Variants in FRMPD4 observed in about 807,000 individuals in gnomAD.
The protein encoded by FRMPD4 is FERM and PDZ domain containing 4.
Under a neutral mutation model 94.1 loss-of-function variants are expected in FRMPD4, and 22 were observed. The observed-to-expected ratio is 0.23, with a 90% CI of 0.17 to 0.33. The LOEUF (loss-of-function observed/expected upper bound fraction) is 0.33, where lower values mean the gene tolerates loss of function less well. FRMPD4 is among the 10% of genes least tolerant of loss of function. The probability of loss-of-function intolerance (pLI) is 1.00; values close to 1 mark genes in which losing one functional copy is unlikely to be tolerated. For missense variants in FRMPD4, 1,111 were observed against 1,339.9 expected, an observed-to-expected ratio of 0.83 and a Z score of 2.67; for synonymous variants, 631 against 548.6, an observed-to-expected ratio of 1.15 and a Z score of -2.10.
chrX:11,983,491 C>T (rs762290391), intron 3 of FRMPD4, among the ~76,000 whole-genome samples: 8 of 112,047 alleles, frequency 7.1e-5, no homozygotes, highest in Admixed American at 9.4e-5. Flanking sequence ...TTTTGCCCTC[C>T]GGATTTTTTA....
intron 3 of FRMPD4, among the ~76,000 whole-genome samples, chrX:11,998,349 TAGAA>T (rs1417907455): frequency 8.9e-6 from 1 of 112,014 alleles, no homozygotes; most frequent in Non-Finnish European, 1.9e-5. Context: ...ATGGTGCCCT[TAGAA>T]AGAATTGGGA....
chrX:12,657,264 C>A (rs1255147339), intron 4 of FRMPD4, among the ~76,000 whole-genome samples: 2 of 111,681 alleles, frequency 1.8e-5, no homozygotes, highest in Non-Finnish European at 3.8e-5. Flanking sequence ...TGAGGCTCAA[C>A]TGAAAAGGAA....
chrX:11,913,974 G>T (rs954817386), intron 3 of FRMPD4, among the ~76,000 whole-genome samples: 15 of 112,015 alleles, frequency 1.3e-4, no homozygotes, highest in African/African-American at 4.5e-4. Flanking sequence ...TTTAGATTTG[G>T]TAATTGTAGT....
intron 3 of FRMPD4, among the ~76,000 whole-genome samples, chrX:11,934,074 A>C (rs1347756864): frequency 8.9e-6 from 1 of 112,314 alleles, no homozygotes; most frequent in Non-Finnish European, 1.9e-5. Context: ...ATGCCATGCA[A>C]CTAGTCTACT....
At chrX:12,611,169 GA>G (rs1569363900) in intron 3 of FRMPD4, among the ~76,000 whole-genome samples, 1 of 111,879 alleles carries the variant, frequency 8.9e-6, no homozygotes, top group Non-Finnish European at 1.9e-5. Flanking sequence ...TACCTTTCCA[GA>G]AACAATGTGC....
chrX:12,158,788 T>C (rs1303638135), intron 1 of FRMPD4, among the ~76,000 whole-genome samples: 2 of 112,239 alleles, frequency 1.8e-5, no homozygotes, highest in South Asian at 3.7e-4. Flanking sequence ...ATCATTCTCA[T>C]GCCTGTTTTT....
chrX:12,233,091 C>G (rs1178476816), intron 1 of FRMPD4, among the ~76,000 whole-genome samples: 1 of 112,029 alleles, frequency 8.9e-6, no homozygotes, highest in Non-Finnish European at 1.9e-5. Context: ...GCTCTTGTTC[C>G]TTGCTCACAA....
intron 2 of FRMPD4, among the ~76,000 whole-genome samples, chrX:12,607,872 A>G (rs2059146173): frequency 8.9e-6 from 1 of 112,210 alleles, no homozygotes; most frequent in African/African-American, 3.2e-5. Context: ...CTAGATAGTG[A>G]TATATACCTA....
chrX:12,289,896 C>G (rs889829778), intron 1 of FRMPD4, among the ~76,000 whole-genome samples: 1 of 111,792 alleles, frequency 8.9e-6, no homozygotes, highest in Non-Finnish European at 1.9e-5. Context: ...ATCTGCACAC[C>G]CAGACCTTGG....
intron 2 of FRMPD4, among the ~76,000 whole-genome samples, chrX:12,542,485 T>A (rs912474896): frequency 1.8e-5 from 2 of 112,029 alleles, no homozygotes; most frequent in African/African-American, 6.5e-5. Context: ...CCATTCACAA[T>A]TGCTTCAAAG....
intron 3 of FRMPD4, among the ~76,000 whole-genome samples, chrX:11,982,305 G>A (rs1251080779): frequency 9.1e-6 from 1 of 109,546 alleles, no homozygotes; most frequent in Non-Finnish European, 1.9e-5. Context: ...GTAGGTGAAC[G>A]ATCTTTTCTT....
At chrX:12,683,780 C>A (rs1395975233) in intron 6 of FRMPD4, among the ~76,000 whole-genome samples, 193 bp downstream of exon 6, 1 of 112,206 alleles carries the variant, frequency 8.9e-6, no homozygotes, top group Non-Finnish European at 1.9e-5. Flanking sequence ...TCCTCTAGCA[C>A]GGTCAGAATA....
intron 4 of FRMPD4, among the ~76,000 whole-genome samples, chrX:12,647,712 G>A (rs923755273): frequency 1.4e-4 from 16 of 111,941 alleles, no homozygotes; most frequent in African/African-American, 3.9e-4. Flanking sequence ...TTGTGACCAC[G>A]TTGAAAGGAG....
chrX:11,846,833 G>C (rs1286330596), intron 1 of FRMPD4, among the ~76,000 whole-genome samples: 2 of 110,932 alleles, frequency 1.8e-5, no homozygotes, highest in Non-Finnish European at 3.8e-5. Context: ...GCCATATGGA[G>C]AAAGCTAAAA....
chrX:11,890,635 A>G (rs1401519910), intron 3 of FRMPD4, among the ~76,000 whole-genome samples: 2 of 112,518 alleles, frequency 1.8e-5, no homozygotes, highest in Non-Finnish European at 3.7e-5. Context: ...TTCATTTTAC[A>G]AAAGAGGAAA....
At chrX:11,828,753 C>T (rs2053458362) in intron 1 of FRMPD4, among the ~76,000 whole-genome samples, 1 of 112,199 alleles carries the variant, frequency 8.9e-6, no homozygotes, top group South Asian at 3.7e-4. Context: ...TTTTTTCACA[C>T]CACAGAATGG....
intron 1 of FRMPD4, among the ~76,000 whole-genome samples, chrX:12,473,012 C>T (rs1323911633): frequency 6.4e-5 from 7 of 109,645 alleles, no homozygotes; most frequent in African/African-American, 2.4e-4. Context: ...ACATAATTGT[C>T]AGATTCACCA....
At chrX:12,369,652 C>T (rs996115247) in intron 1 of FRMPD4, among the ~76,000 whole-genome samples, 2 of 112,060 alleles carry the variant, frequency 1.8e-5, no homozygotes, top group African/African-American at 3.2e-5. Context: ...GTTCTTGAAA[C>T]GTAAGTAGGA....
At chrX:12,592,521 T>C (rs1196754459) in intron 2 of FRMPD4, among the ~76,000 whole-genome samples, 1 of 111,928 alleles carries the variant, frequency 8.9e-6, no homozygotes, top group African/African-American at 3.2e-5. Context: ...AATTATACAT[T>C]TCTTTCTTTT....
Sources: gnomAD v4.1 joint callset for allele counts (sites outside exome capture counted in the v4.1 genomes callset) on GRCh38, gnomAD v4.1.1 for gene constraint, MANE v1.5 for transcripts, NCBI Gene and HGNC (gene_info 2026-07-23, HGNC 2026-07-21) for gene names.